AP1S3: variants seen among roughly 807,000 people sequenced by gnomAD.
AP1S3 encodes adaptor related protein complex 1 subunit sigma 3.
AP1S3 carries 10 observed loss-of-function variants against 20.9 expected under a neutral mutation model. The observed-to-expected ratio is 0.48, with a 90% CI of 0.29 to 0.81. The LOEUF (loss-of-function observed/expected upper bound fraction) is 0.81, where lower values mean the gene tolerates loss of function less well. Ranked by LOEUF, AP1S3 falls within the 30% of genes least tolerant of loss-of-function variation. The pLI, the probability that AP1S3 is intolerant of heterozygous loss-of-function variation, is 0.08. For missense variants in AP1S3, 154 were observed against 183.8 expected (o/e 0.84, Z 0.94); for synonymous variants, 41 against 61.5 (o/e 0.67, Z 1.56).
At chr2:223,796,920 TCCCAAAGTGCTG>T (rs370820138) in intron 1 of AP1S3, among the ~76,000 whole-genome samples, 151 of 152,270 alleles carry the variant, frequency 9.9e-4, no homozygotes, top group African/African-American at 3.4e-3. Flanking sequence ...GACCTCGGCC[TCCCAAAGTGCTG>T]GGATTACAGG....
chr2:223,777,098 G>C (rs614513), intron 2 of AP1S3, among the ~76,000 whole-genome samples: 1 of 152,342 alleles, frequency 6.6e-6, no homozygotes, highest in African/African-American at 2.4e-5. Flanking sequence ...ACAGCCATTA[G>C]AACAATGCCA....
At chr2:223,770,081 A>G (rs1475755002) in intron 3 of AP1S3, 5 of 1,424,380 alleles carry the variant, frequency 3.5e-6, no homozygotes, top group South Asian at 1.5e-5. Flanking sequence ...GTTTAGAGGG[A>G]CATGTAAAAA....
intron 1 of AP1S3, among the ~76,000 whole-genome samples, chr2:223,801,294 T>G (rs1364936783): frequency 2.0e-5 from 3 of 152,264 alleles, no homozygotes; most frequent in Middle Eastern, 3.4e-3. Flanking sequence ...AGCTAGAAGG[T>G]TTCAGAGCTG....
intron 4 of AP1S3, 83 bp from the exon 5 acceptor site, chr2:223,758,833 T>C: frequency 8.2e-7 from 1 of 1,213,728 alleles, no homozygotes; most frequent in Non-Finnish European, 1.2e-6. Flanking sequence ...CATTCTTTTA[T>C]TTATTTGCCA....
intron 3 of AP1S3, chr2:223,773,193 T>C (rs1440231377): frequency 9.9e-7 from 1 of 1,006,814 alleles, no homozygotes; most frequent in East Asian, 6.2e-5. Flanking sequence ...TCAGATAGAT[T>C]GAGATCAAAA....
intron 1 of AP1S3, among the ~76,000 whole-genome samples, chr2:223,832,058 C>A (rs1692272162): frequency 2.1e-5 from 3 of 139,838 alleles, no homozygotes; most frequent in South Asian, 2.3e-4. Flanking sequence ...GCCTGGGAGA[C>A]AGAGTAAGAC....
chr2:223,767,472 A>G (rs686700), intron 3 of AP1S3, among the ~76,000 whole-genome samples: 105,513 of 151,520 alleles, frequency 0.7, 37,801 homozygotes, highest in East Asian at 0.98. Flanking sequence ...AAACATCTCT[A>G]CTGCATGTTG....
chr2:223,824,930 A>G (rs796834738), intron 1 of AP1S3, among the ~76,000 whole-genome samples: 2 of 152,196 alleles, frequency 1.3e-5, no homozygotes, highest in African/African-American at 2.4e-5. Flanking sequence ...TGTCACTCCA[A>G]TAATACTGGA....
chr2:223,815,381 G>A (rs908193792), intron 1 of AP1S3, among the ~76,000 whole-genome samples: 3 of 151,754 alleles, frequency 2.0e-5, no homozygotes, highest in Admixed American at 2.0e-4. Context: ...TGCAATCCAA[G>A]GAAAGCAGAA....
At chr2:223,758,779 T>C in intron 4 of AP1S3, 29 bp from the exon 5 acceptor site, 1 of 1,596,612 alleles carries the variant, frequency 6.3e-7, no homozygotes, top group South Asian at 1.1e-5. Flanking sequence ...TTAGAACAAT[T>C]TTCCCTTTAA....
intron 1 of AP1S3, among the ~76,000 whole-genome samples, chr2:223,780,353 A>AGTGTGTGT (rs1559280869): frequency 1.3e-3 from 76 of 58,562 alleles, no homozygotes; most frequent in South Asian, 3.1e-3. Flanking sequence ...AGAGAGAGAG[A>AGTGTGTGT]GAGAGTGTGT....
At chr2:223,799,815 A>G (rs1247231987) in intron 1 of AP1S3, among the ~76,000 whole-genome samples, 1 of 152,248 alleles carries the variant, frequency 6.6e-6, no homozygotes, top group Non-Finnish European at 1.5e-5. Flanking sequence ...AATCTTCAAC[A>G]AAATATTAGC....
intron 3 of AP1S3, chr2:223,773,254 C>G: frequency 7.8e-7 from 1 of 1,283,446 alleles, no homozygotes; most frequent in Non-Finnish European, 1.0e-6. Context: ...GAAAATACAA[C>G]AGGTCAAGCC....
chr2:223,756,000 A>G lies in AP1S3; in HGVS notation c.*2715T>C. Reference sequence around the variant, plus strand: ...AAATTTCAAAAGAACCGGAAAAACTATGATGGATTTACATGAGGTCCATCT... The same window carrying G: ...AAATTTCAAAAGAACCGGAAAAACTGTGATGGATTTACATGAGGTCCATCT... On this transcript the variant is annotated 3_prime_UTR_variant, in exon 5 of 5. Coordinates refer to ENST00000396654, the MANE Select transcript of AP1S3 (RefSeq NM_001039569.2). 1.0e-6 allele frequency: 1 copy of G among 985,454 alleles called. No individual in the cohort carries two copies. The highest frequency in any genetic ancestry group is 1.2e-6 in the Non-Finnish European group (1 of 829,934). The allele number at this position is 985,454 out of a possible 1,614,324, so 61.0% of individuals were successfully genotyped here.
intron 1 of AP1S3, among the ~76,000 whole-genome samples, chr2:223,782,560 A>G (rs1371390848): frequency 6.6e-6 from 1 of 151,656 alleles, no homozygotes; most frequent in Non-Finnish European, 1.5e-5. Context: ...GGTCAAACTT[A>G]TCTCAGGATC....
chr2:223,822,890 C>A, intron 1 of AP1S3, among the ~76,000 whole-genome samples: 1 of 151,010 alleles, frequency 6.6e-6, no homozygotes, highest in African/African-American at 2.4e-5. Context: ...AACTCAATAG[C>A]AAAAAAACAA....
intron 1 of AP1S3, among the ~76,000 whole-genome samples, chr2:223,834,211 T>G (rs1692345189): frequency 6.7e-6 from 1 of 148,364 alleles, no homozygotes; most frequent in African/African-American, 2.5e-5. Flanking sequence ...ATTTATTGTA[T>G]TTGAAATTAA....
chr2:223,816,343 A>G (rs899802920), intron 1 of AP1S3, among the ~76,000 whole-genome samples: 2 of 70,524 alleles, frequency 2.8e-5, no homozygotes, highest in African/African-American at 9.5e-5. Context: ...TGCTTCTGAA[A>G]AAAAAAAAAC....
chr2:223,833,285 A>ATACATAC (rs1692321138), intron 1 of AP1S3, among the ~76,000 whole-genome samples: 2 of 111,988 alleles, frequency 1.8e-5, no homozygotes, highest in African/African-American at 7.8e-5. Flanking sequence ...TACATACATA[A>ATACATAC]ACAACATAAT....
Sources: allele counts gnomAD v4.1 joint callset (sites outside exome capture counted in the v4.1 genomes callset), GRCh38; gene constraint gnomAD v4.1.1; transcripts MANE v1.5; gene names NCBI Gene and HGNC (gene_info 2026-07-23, HGNC 2026-07-21).